Variants in ATG7 observed in about 807,000 individuals in gnomAD.
The protein encoded by ATG7 is autophagy related 7.
Under a neutral mutation model 82.4 loss-of-function variants are expected in ATG7, and 70 were observed. That is an observed-to-expected ratio of 0.85 (90% confidence interval 0.70 to 1.04). The LOEUF is 1.04. Ranked by LOEUF, ATG7 falls within the 50% of genes least tolerant of loss-of-function variation. ATG7 has a pLI of 0.00. For missense variants in ATG7, 792 were observed against 864.3 expected (o/e 0.92, Z 1.05); for synonymous variants, 287 against 313.0 (o/e 0.92, Z 0.88).
intron 7 of ATG7, among the ~76,000 whole-genome samples, chr3:11,310,834 G>A (rs927922112): frequency 4.9e-4 from 75 of 152,088 alleles, no homozygotes; most frequent in African/African-American, 1.5e-3. Context: ...GGGTTTCACC[G>A]TGTTAGCCAG....
At chr3:11,468,060 C>T (rs1047300331) in intron 20 of ATG7, among the ~76,000 whole-genome samples, 1 of 152,120 alleles carries the variant, frequency 6.6e-6, no homozygotes, top group African/African-American at 2.4e-5. Context: ...TTTGATGGCA[C>T]AGTTTGACTT....
the ATG7 span, among the ~76,000 whole-genome samples, chr3:11,566,314 A>C: frequency 6.6e-6 from 1 of 152,202 alleles, no homozygotes; most frequent in African/African-American, 2.4e-5. Context: ...CGGCCATCCC[A>C]TGCACCCTTT....
chr3:11,282,370 G>A lies in ATG7; in HGVS notation c.-79G>A, dbSNP rs1559318460. ...GACAGATAAGAGTTTGAAGACTGTG[G>A]ATGTGACTGCTTGTTCCCTGGTTGA... On this transcript the variant is annotated 5_prime_UTR_variant, in exon 3 of 21. Transcript: ENST00000693202. The A allele has an allele frequency of 1.3e-5, 2 of 152,352 alleles. No homozygotes were observed. The highest frequency in any genetic ancestry group is 1.9e-4 in the East Asian group (1 of 5,188). The allele number at this position is 152,352 out of a possible 1,614,324, so 9.4% of individuals were successfully genotyped here. A position where few individuals can be genotyped will look rare whatever the true frequency, so the allele number is the denominator to read the frequency against.
chr3:11,288,500 C>T (rs537061907), intron 3 of ATG7: 5 of 152,114 alleles, frequency 3.3e-5, no homozygotes, highest in Non-Finnish European at 7.4e-5. Context: ...CTCTCTTTGT[C>T]TTCTTGCCAT....
chr3:11,499,129 A>G (rs972309700), intron 20 of ATG7, among the ~76,000 whole-genome samples: 1 of 152,234 alleles, frequency 6.6e-6, no homozygotes, highest in African/African-American at 2.4e-5. Flanking sequence ...AACTGCACAT[A>G]AATTGAAAGA....
chr3:11,569,348 TC>T, the ATG7 span, among the ~76,000 whole-genome samples: 1 of 151,988 alleles, frequency 6.6e-6, no homozygotes, highest in African/African-American at 2.4e-5. Flanking sequence ...CATTCTGGGG[TC>T]CCCAAAGGCC....
At chr3:11,484,847 T>C (rs2089445339) in intron 20 of ATG7, among the ~76,000 whole-genome samples, 1 of 152,150 alleles carries the variant, frequency 6.6e-6, no homozygotes, top group South Asian at 2.1e-4. Context: ...TCCAATTTCA[T>C]CCATGTCCCT....
chr3:11,424,611 T>G (rs955545039), intron 19 of ATG7, among the ~76,000 whole-genome samples: 1 of 145,830 alleles, frequency 6.9e-6, no homozygotes. Flanking sequence ...AAATATTAAT[T>G]TTTAATATTA....
chr3:11,440,507 G>A (rs1475293777), intron 20 of ATG7, among the ~76,000 whole-genome samples: 3 of 147,648 alleles, frequency 2.0e-5, no homozygotes, highest in Admixed American at 1.4e-4. Context: ...TGTATTTTTA[G>A]TAGAGACGGG....
chr3:11,513,624 C>T (rs1279371845), intron 20 of ATG7, among the ~76,000 whole-genome samples: 1 of 152,222 alleles, frequency 6.6e-6, no homozygotes, highest in Non-Finnish European at 1.5e-5. Flanking sequence ...TCCCGCCTCT[C>T]CCTCCACACC....
chr3:11,527,063 GTGTGTGTGTA>G lies in ATG7; in HGVS notation c.2080-27746_2080-27737del, dbSNP rs1330078889. Among the ~76,000 whole-genome samples the G allele has an allele frequency of 2.7e-3, 284 of 104,322 alleles. 1 individual carries two copies. Among genetic ancestry groups the G allele is most frequent in the Admixed American group, 6.2e-3 (56 of 8,992 alleles). 68.4% of individuals were successfully genotyped at this position (104,322 alleles called of 152,430 possible). ...TATATGTGTGTGTGTGTGTGTGTGT[GTGTGTGTGTA>G]TATATATATATATATATATACATAC... is the stretch of plus-strand genomic sequence containing the variant. On this transcript the variant is annotated intron_variant, in intron 20 of 20. Coordinates refer to ENST00000693202, the MANE Select transcript of ATG7 (RefSeq NM_001349232.2).
intron 19 of ATG7, among the ~76,000 whole-genome samples, chr3:11,420,273 C>T (rs1287354125): frequency 6.6e-6 from 1 of 152,180 alleles, no homozygotes; most frequent in African/African-American, 2.4e-5. Flanking sequence ...AGTTTTTCCA[C>T]ATATTTTTAA....
intron 19 of ATG7, among the ~76,000 whole-genome samples, chr3:11,410,243 A>C (rs1321619256): frequency 6.6e-6 from 1 of 152,174 alleles, no homozygotes; most frequent in Non-Finnish European, 1.5e-5. Context: ...TTCTCTCAGC[A>C]GTAGTTCTCC....
Position 11,470,744 on chromosome 3 carries a change from G to A in ATG7, c.2079+43818G>A, listed in dbSNP as rs551498561. On this transcript the variant is annotated intron_variant, in intron 20 of 20. Transcript: ENST00000693202. The stretch of plus-strand genomic sequence containing the variant: ...GGCCACCAGAGGACATGGAGTAGAG[G>A]CCTTCCCTGAAGGGCCTCGGGAACT... Among the ~76,000 whole-genome samples the A allele has an allele frequency of 3.9e-5, 6 of 152,284 alleles. No individual in the cohort carries two copies. In the South Asian group the frequency reaches 6.2e-4, roughly 16 times the overall value.
intron 19 of ATG7, among the ~76,000 whole-genome samples, chr3:11,390,191 G>A (rs938259250): frequency 8.5e-5 from 13 of 152,084 alleles, no homozygotes; most frequent in African/African-American, 2.7e-4. Flanking sequence ...ATTGCTAATA[G>A]GCCTATGTAC....
chr3:11,290,881 C>T (rs973042823), intron 3 of ATG7, among the ~76,000 whole-genome samples: 1 of 152,008 alleles, frequency 6.6e-6, no homozygotes, highest in African/African-American at 2.4e-5. Context: ...GACGGGGTTT[C>T]GCCATGTTGG....
chr3:11,384,749 C>T (rs2152857032), intron 19 of ATG7, among the ~76,000 whole-genome samples: 1 of 152,234 alleles, frequency 6.6e-6, no homozygotes, highest in Non-Finnish European at 1.5e-5. Context: ...TCACCTGAGC[C>T]TAAGAGTTTG....
chr3:11,574,781 ATATATGTGTGTGTGTG>A, the ATG7 span, among the ~76,000 whole-genome samples: 3 of 120,948 alleles, frequency 2.5e-5, no homozygotes, highest in African/African-American at 3.3e-5. Flanking sequence ...CAATTCAACT[ATATATGTGTGTGTGTG>A]TGTGTGTGTG....
At chr3:11,444,501 T>G (rs972963618) in intron 20 of ATG7, among the ~76,000 whole-genome samples, 1 of 152,208 alleles carries the variant, frequency 6.6e-6, no homozygotes, top group African/African-American at 2.4e-5. Context: ...TATCACCCTC[T>G]TTGTGAAGGC....
Sources: gnomAD v4.1 joint callset for allele counts (sites outside exome capture counted in the v4.1 genomes callset) on GRCh38, gnomAD v4.1.1 for gene constraint, MANE v1.5 for transcripts, NCBI Gene and HGNC (gene_info 2026-07-23, HGNC 2026-07-21) for gene names.